Variants in NRP2 observed in about 807,000 individuals in gnomAD.
The protein encoded by NRP2 is neuropilin 2, also known as neuropilin-2.
NRP2 carries 52 observed loss-of-function variants against 110.4 expected under a neutral mutation model. That is an observed-to-expected ratio of 0.47 (90% CI 0.38 to 0.59). The LOEUF is 0.59. Among genes scored for constraint, NRP2 ranks in the 20% least tolerant of loss-of-function variants. The probability of loss-of-function intolerance (pLI) is 0.00; values close to 1 mark genes in which losing one functional copy is unlikely to be tolerated. For synonymous variants in NRP2, 508 were observed against 468.9 expected, an observed-to-expected ratio of 1.08 and a Z score of -1.08; for missense variants, 1,049 against 1,203.0, an observed-to-expected ratio of 0.87 and a Z score of 1.89.
intron 11 of NRP2, among the ~76,000 whole-genome samples, chr2:205,751,077 G>A (rs1407837692): frequency 1.3e-5 from 2 of 152,172 alleles, no homozygotes; most frequent in Non-Finnish European, 2.9e-5. Context: ...AGAGAAGAAG[G>A]AGACTTGGAG....
chr2:205,766,829 A>T (rs925905747), intron 15 of NRP2, 26 bp downstream of exon 15: 281 of 1,538,796 alleles, frequency 1.8e-4, no homozygotes, highest in Non-Finnish European at 1.9e-4. Flanking sequence ...GTAAAAAAAA[A>T]TTTTTTTTTT....
In NRP2 at chr2:205,796,129, C is replaced by T. The variant is rs2058349897; in HGVS notation, c.*1071C>T. 1 of 152,164 alleles carries T rather than the reference C, an allele frequency of 6.6e-6. No individual in the cohort carries two copies. The highest frequency in any genetic ancestry group is 1.5e-5 in the Non-Finnish European group (1 of 68,040). The allele number at this position is 152,164 out of a possible 1,614,324, so 9.4% of individuals were successfully genotyped here. On this transcript the variant is annotated 3_prime_UTR_variant, in exon 17 of 17. Transcript: ENST00000357785. ...GGTCACCACTGGACGGGAAGGAGAA[C>T]AGAGGAGAGGGAAAGAGAAGCCCAA... is the stretch of plus-strand genomic sequence containing the variant.
chr2:205,692,204 G>C (rs149676045), intron 1 of NRP2, among the ~76,000 whole-genome samples: 1 of 152,274 alleles, frequency 6.6e-6, no homozygotes, highest in Non-Finnish European at 1.5e-5. Flanking sequence ...GCCTTCAGGA[G>C]TGCATCATTC....
intron 1 of NRP2, among the ~76,000 whole-genome samples, chr2:205,695,510 A>C (rs1009103301): frequency 7.9e-5 from 12 of 151,996 alleles, no homozygotes; most frequent in Admixed American, 2.0e-4. Flanking sequence ...GGAGGGAGAG[A>C]GTGTGGGTAG....
At chr2:205,782,735 T>C (rs2058189573) in intron 15 of NRP2, among the ~76,000 whole-genome samples, 1 of 152,204 alleles carries the variant, frequency 6.6e-6, no homozygotes, top group African/African-American at 2.4e-5. Context: ...TGAGGGTAAT[T>C]CAGTACATAC....
Position 205,683,287 on chromosome 2 carries a change from C to A in NRP2, c.-4C>A, listed in dbSNP as rs748787111. ...CAGCTCTGGAAAGAGCCACCTTCTC[C>A]AAAATGGATATGTTTCCTCTCACCT... is the stretch of plus-strand genomic sequence containing the variant. On this transcript the variant is annotated 5_prime_UTR_variant, in exon 1 of 17. Coordinates refer to ENST00000357785, the MANE Select transcript of NRP2 (RefSeq NM_003872.3). The A allele has an allele frequency of 1.9e-6, 3 of 1,612,320 alleles. No individual in the cohort carries two copies. The East Asian group carries it at 6.7e-5, about 36-fold the overall frequency.
At chr2:205,724,925 C>T (rs965003553) in intron 5 of NRP2, among the ~76,000 whole-genome samples, 2 of 152,100 alleles carry the variant, frequency 1.3e-5, no homozygotes, top group Non-Finnish European at 2.9e-5. Context: ...CCTTGGCCTC[C>T]CCAAATGCTG....
Position 205,720,262 on chromosome 2 carries a change from C to CT in NRP2, c.434-2195dup, listed in dbSNP as rs202203741. ...ATATATCAGAAATGCTTTTTTCTTT[C>CT]TTTTTTTTTTTTTTTTTTTTTGCCT... On this transcript the variant is annotated intron_variant, in intron 3 of 16. Transcript: ENST00000357785. Among the ~76,000 whole-genome samples, 640 of 129,024 alleles carry CT rather than the reference C, an allele frequency of 5.0e-3. 1 individual carries two copies. The highest frequency in any genetic ancestry group is 0.012 in the Middle Eastern group (3 of 248). The allele number at this position is 129,024 out of a possible 152,430, so 84.6% of individuals were successfully genotyped here. A position where few individuals can be genotyped will look rare whatever the true frequency, so the allele number is the denominator to read the frequency against.
chr2:205,774,139 C>G (rs1400235687), intron 15 of NRP2, among the ~76,000 whole-genome samples: 3 of 152,200 alleles, frequency 2.0e-5, no homozygotes, highest in Non-Finnish European at 4.4e-5. Flanking sequence ...GAAAATCCAG[C>G]AGCAGGATGG....
At chr2:205,705,183 G>GA (rs5837991) in intron 2 of NRP2, among the ~76,000 whole-genome samples, 126,263 of 144,186 alleles carry the variant, frequency 0.88, 56,950 homozygotes, top group Non-Finnish European at 0.98. Flanking sequence ...AATAATTCCA[G>GA]AAAAAAAAAA....
intron 13 of NRP2, among the ~76,000 whole-genome samples, chr2:205,764,936 G>C (rs925644116): frequency 1.6e-4 from 25 of 152,218 alleles, no homozygotes; most frequent in African/African-American, 6.0e-4. Context: ...CCAGGGCATA[G>C]TAGGTGCTCA....
intron 2 of NRP2, chr2:205,701,244 GCTGGGTCCTTTTAAGCA>G (rs897520327): frequency 6.6e-6 from 1 of 152,456 alleles, no homozygotes; most frequent in African/African-American, 2.4e-5. Flanking sequence ...AAACCAGGAG[GCTGGGTCCTTTTAAGCA>G]CTGGTAATTT....
At chr2:205,683,930 AGGGGCTT>A (rs2056080715) in intron 1 of NRP2, among the ~76,000 whole-genome samples, 1 of 152,146 alleles carries the variant, frequency 6.6e-6, no homozygotes, top group South Asian at 2.1e-4. Flanking sequence ...TGGCTGAGAT[AGGGGCTT>A]GGGGTTGGGT....
rs367714598 is a variant in NRP2, at chr2:205,794,749, C to G, written c.2477-5C>G. ...GCAATCTCTCATGAATTTTATGTAT[C>G]GCAGATGAATACGAGGTGGACTGGA... On this transcript the variant is annotated splice_region_variant and splice_polypyrimidine_tract_variant and intron_variant, in intron 16 of 16. Coordinates refer to ENST00000357785, the MANE Select transcript of NRP2 (RefSeq NM_003872.3). 1 of 1,613,984 alleles carries G rather than the reference C, an allele frequency of 6.2e-7. No homozygotes were observed. Among genetic ancestry groups the G allele is most frequent in the South Asian group, 1.1e-5 (1 of 91,076 alleles).
At chr2:205,746,790 AG>A (rs1269160673) in intron 10 of NRP2, among the ~76,000 whole-genome samples, 1 of 152,224 alleles carries the variant, frequency 6.6e-6, no homozygotes, top group African/African-American at 2.4e-5. Flanking sequence ...GGGATTAATA[AG>A]GGCATGTCGG....
intron 15 of NRP2, among the ~76,000 whole-genome samples, chr2:205,771,092 C>T (rs2058015700): frequency 6.6e-6 from 1 of 152,184 alleles, no homozygotes; most frequent in Admixed American, 6.5e-5. Flanking sequence ...TAAGTGCCAC[C>T]AAAGAGTGTG....
chr2:205,688,014 TA>T (rs2056216944), intron 1 of NRP2, among the ~76,000 whole-genome samples: 1 of 152,188 alleles, frequency 6.6e-6, no homozygotes, highest in South Asian at 2.1e-4. Flanking sequence ...GACCTGAGTG[TA>T]AGACAATTCT....
At chr2:205,777,157 G>C in intron 15 of NRP2, 1 of 986,734 alleles carries the variant, frequency 1.0e-6, no homozygotes, top group Non-Finnish European at 1.2e-6. Flanking sequence ...GCCTTATCTA[G>C]CTCTGGCTGG....
chr2:205,766,234 C>A (rs1246038410), intron 14 of NRP2, among the ~76,000 whole-genome samples: 2 of 152,220 alleles, frequency 1.3e-5, no homozygotes, highest in African/African-American at 4.8e-5. Context: ...GGGTCTCCTG[C>A]TGCAGATGAG....
Sources: allele counts gnomAD v4.1 joint callset (sites outside exome capture counted in the v4.1 genomes callset), GRCh38; gene constraint gnomAD v4.1.1; transcripts MANE v1.5; gene names NCBI Gene and HGNC (gene_info 2026-07-23, HGNC 2026-07-21).